The following ABCA9 variants were observed in gnomAD, a reference collection of about 807,000 sequenced individuals.
ABCA9 encodes the protein ATP-binding cassette sub-family A member 9.
Under a neutral mutation model 205.3 loss-of-function variants are expected in ABCA9, and 183 were observed. The ratio of observed to expected loss-of-function variants is 0.89; its 90% confidence interval spans 0.79 to 1.01. The LOEUF (loss-of-function observed/expected upper bound fraction) is 1.01, where lower values mean the gene tolerates loss of function less well. Ranked by LOEUF, ABCA9 falls within the 50% of genes least tolerant of loss-of-function variation. The probability of loss-of-function intolerance (pLI) is 0.00; values close to 1 mark genes in which losing one functional copy is unlikely to be tolerated. For missense variants in ABCA9, 1,805 were observed against 1,912.4 expected (o/e 0.94, Z 1.05); for synonymous variants, 651 against 683.3 (o/e 0.95, Z 0.74).
intron 37 of ABCA9, 131 bp downstream of exon 37, chr17:68,982,431 T>G (rs2069087259): frequency 1.4e-6 from 1 of 709,638 alleles, no homozygotes; most frequent in Non-Finnish European, 2.4e-6. Flanking sequence ...AACACTGGAT[T>G]AGCAGTCTTA....
At position 68,985,078 on chromosome 17, in the gene ABCA9, G is replaced by T; in HGVS notation, c.4259C>A (p.Thr1420Asn). Residue 1420 changes from threonine to asparagine, a missense_variant, in exon 33 of 39, where the codon ACC (threonine) becomes AAC (asparagine). Physicochemically the swap from Thr to Asn is moderately conservative, Grantham distance 65. Transcript: ENST00000340001. The stretch of plus-strand genomic sequence containing the variant: ...CTTTCGCTTTATTCCCTCTGACAAG[G>T]TCTTCACGGGAGCCTTCAGCTGGTC... Reference protein sequence around the residue: ...LQDQLKAPVKTLSEGIKRKLC... With the variant: ...LQDQLKAPVKNLSEGIKRKLC... 2 of 1,614,166 alleles carry T rather than the reference G, an allele frequency of 1.2e-6. No homozygotes were observed. Among genetic ancestry groups the T allele is most frequent in the Non-Finnish European group, 8.5e-7 (1 of 1,180,032 alleles).
chr17:69,065,627 C>T (rs371722252), upstream of ABCA9, among the ~76,000 whole-genome samples: 3 of 152,110 alleles, frequency 2.0e-5, no homozygotes, highest in African/African-American at 4.8e-5. Context: ...TAACTAACTC[C>T]GGTTCACAAG....
chr17:69,072,425 G>A, the ABCA9 span, among the ~76,000 whole-genome samples: 1 of 152,174 alleles, frequency 6.6e-6, no homozygotes, highest in African/African-American at 2.4e-5. Flanking sequence ...GGCCAGAAGA[G>A]AGTGGGGGAC....
intron 1 of ABCA9, among the ~76,000 whole-genome samples, chr17:69,055,937 A>G (rs1282049316): frequency 3.9e-5 from 6 of 152,178 alleles, no homozygotes; most frequent in Non-Finnish European, 2.9e-5. Context: ...AAAAAATCTA[A>G]TGACAAATTA....
At position 69,008,071 on chromosome 17, in the gene ABCA9, C is replaced by G. The variant is rs1246098499; in HGVS notation, c.3312G>C (p.Leu1104=). Residue 1104 remains leucine (L), a synonymous_variant, in exon 24 of 39, where the codon CTG becomes CTC. Coordinates refer to ENST00000340001, the MANE Select transcript of ABCA9 (RefSeq NM_080283.4). The part of the protein sequence containing the change: ...PEEIIFIIQN[L]LIQILCSIGY... The stretch of plus-strand genomic sequence containing the variant: ...AATTGCTGCCACTTACTTGAATTAA[C>G]AGGTTTTGAATTATAAATATAATCT... 20 of 1,602,420 alleles carry G rather than the reference C, an allele frequency of 1.2e-5. No homozygotes were observed. In the Admixed American group the frequency reaches 3.3e-4, roughly 26 times the overall value.
At chr17:69,072,080 G>C in the ABCA9 span, among the ~76,000 whole-genome samples, 8 of 152,146 alleles carry the variant, frequency 5.3e-5, no homozygotes, top group African/African-American at 2.4e-5. Flanking sequence ...AAGTCTCCAA[G>C]CAATATGGGA....
intron 2 of ABCA9, among the ~76,000 whole-genome samples, chr17:69,049,877 A>G (rs1208069261): frequency 6.6e-6 from 1 of 152,154 alleles, no homozygotes; most frequent in Non-Finnish European, 1.5e-5. Context: ...GAGCAAGATC[A>G]TATCATATTT....
chr17:69,026,491 A>C (rs2070990939), intron 15 of ABCA9, 24 bp from the exon 16 acceptor site: 1 of 1,567,040 alleles, frequency 6.4e-7, no homozygotes, highest in South Asian at 1.1e-5. Context: ...ATCAAAAGAT[A>C]AGTTACATGA....
chr17:69,009,603 A>G (rs2070294778), intron 23 of ABCA9, among the ~76,000 whole-genome samples: 1 of 152,150 alleles, frequency 6.6e-6, no homozygotes, highest in Non-Finnish European at 1.5e-5. Flanking sequence ...ATTTAGACAG[A>G]GAATTAACAT....
chr17:69,046,914 A>ATAT (rs1567971370), intron 3 of ABCA9, among the ~76,000 whole-genome samples: 15 of 113,068 alleles, frequency 1.3e-4, no homozygotes, highest in African/African-American at 4.2e-4. Context: ...TATATATATA[A>ATAT]AATTTTATAT....
At position 69,024,211 on chromosome 17, in the gene ABCA9, T is replaced by C; in HGVS notation, c.2281+3A>G. 1 of 1,611,694 alleles carries C rather than the reference T, an allele frequency of 6.2e-7. No homozygotes were observed. On this transcript the variant is annotated splice_donor_region_variant and intron_variant, in intron 17 of 38. Coordinates refer to ENST00000340001, the MANE Select transcript of ABCA9 (RefSeq NM_080283.4). Reference sequence around the variant, plus strand: ...CCATTCTGTCATCTTTACATTTTGTTACCTGGAAATTTGTTTGTCCTTTCC... The same window carrying C: ...CCATTCTGTCATCTTTACATTTTGTCACCTGGAAATTTGTTTGTCCTTTCC...
In ABCA9 at chr17:69,020,452, C is replaced by T. The variant is rs761255508; in HGVS notation, c.2536G>A (p.Val846Ile). Residue 846 changes from valine to isoleucine, a missense_variant, in exon 19 of 39, where the codon GTC (valine) becomes ATC (isoleucine). Transcript: ENST00000340001. ...ISGVALWRQQ[V>I]CAIAKVRFLK... ...AAGCGAACTTTTGCTATTGCACAGA[C>T]CTGCTGCCTCCAGAGCGCCACGCCA... 6.2e-7 allele frequency: 1 copy of T among 1,614,018 alleles called. No individual in the cohort carries two copies. Among genetic ancestry groups the T allele is most frequent in the South Asian group, 1.1e-5 (1 of 91,086 alleles).
At chr17:69,004,244 TG>T (rs2070017401) in intron 25 of ABCA9, among the ~76,000 whole-genome samples, 1 of 152,224 alleles carries the variant, frequency 6.6e-6, no homozygotes, top group South Asian at 2.1e-4. Flanking sequence ...CCCATCTTTG[TG>T]GTTTTATCTA....
intron 23 of ABCA9, 23 bp from the exon 24 acceptor site, chr17:69,008,258 A>C (rs1191365321): frequency 3.1e-6 from 5 of 1,607,068 alleles, no homozygotes; most frequent in Non-Finnish European, 4.3e-6. Flanking sequence ...TAGAAGAATC[A>C]TCAAAAGGTT....
Position 69,044,575 on chromosome 17 carries a change from T to G in ABCA9, c.495A>C (p.Lys165Asn). 6.2e-7 allele frequency: 1 copy of G among 1,613,094 alleles called. No homozygotes were observed. The highest frequency in any genetic ancestry group is 2.2e-5 in the East Asian group (1 of 44,774). ...HSAHCQAVNE[K>N]MKCEGSEFWE... ...AGAACTCTGAACCTTCACACTTCAT[T>G]TTTTCATTCACTGCTTGACAGTGAG... The change falls in exon 5 of 39, where the codon AAA (lysine) becomes AAC (asparagine). Residue 165 changes from lysine to asparagine, a missense_variant. By Grantham distance (94) the Lys-to-Asn change is moderately conservative (BLOSUM62 0). Coordinates refer to ENST00000340001, the MANE Select transcript of ABCA9 (RefSeq NM_080283.4).
chr17:68,986,204 T>C lies in ABCA9; in HGVS notation c.4168A>G (p.Lys1390Glu). Residue 1390 changes from lysine to glutamate, a missense_variant, in exon 32 of 39, where the codon AAA (lysine) becomes GAA (glutamate). Lys to Glu is a moderately conservative substitution (Grantham distance 56). Coordinates refer to ENST00000340001, the MANE Select transcript of ABCA9 (RefSeq NM_080283.4). ...RQHLEVYAAV[K>E]GLRKGDAMIA... ...ATTGCGTCCCCTTTCCTGAGACCTT[T>C]CACGGCAGCGTACACCTCCAGGTGC... The C allele has an allele frequency of 1.2e-6, 2 of 1,613,436 alleles. No individual in the cohort carries two copies. The highest frequency in any genetic ancestry group is 1.7e-6 in the Non-Finnish European group (2 of 1,179,636).
At position 68,990,840 on chromosome 17, in the gene ABCA9, A is replaced by T; in HGVS notation, c.3834T>A (p.Asp1278Glu). The T allele has an allele frequency of 6.2e-7, 1 of 1,611,752 alleles. No individual in the cohort carries two copies. The part of the protein sequence containing the change: ...TVNAMAVRDF[D>E]ETPVIIASCL... ...GAAGAACATTTCTGAGTTCTACCTC[A>T]TCAAAGTCTCGCACAGCCATAGCAT... The change falls in exon 29 of 39, where the codon GAT (aspartate) becomes GAA (glutamate). Residue 1278 changes from aspartate (D) to glutamate (E), a missense_variant. Asp to Glu is a conservative substitution (Grantham distance 45). Coordinates refer to ENST00000340001, the MANE Select transcript of ABCA9 (RefSeq NM_080283.4).
intron 23 of ABCA9, among the ~76,000 whole-genome samples, chr17:69,011,340 TATAAAA>T (rs2070363732): frequency 6.6e-6 from 1 of 151,560 alleles, no homozygotes; most frequent in African/African-American, 2.4e-5. Flanking sequence ...TGTGTGGTCT[TATAAAA>T]GTAAAGGAAA....
intron 2 of ABCA9, among the ~76,000 whole-genome samples, chr17:69,050,133 A>G (rs926057711): frequency 1.3e-4 from 20 of 152,044 alleles, no homozygotes; most frequent in African/African-American, 4.6e-4. Context: ...GTGTTGGTCT[A>G]TATCTGTTTC....
Sources: gnomAD v4.1 joint callset for allele counts (sites outside exome capture counted in the v4.1 genomes callset) on GRCh38, gnomAD v4.1.1 for gene constraint, MANE v1.5 for transcripts, NCBI Gene and HGNC (gene_info 2026-07-23, HGNC 2026-07-21) for gene names.